Variants in SLC25A24 observed in about 807,000 individuals in gnomAD.
SLC25A24 encodes the protein mitochondrial adenyl nucleotide antiporter SLC25A24.
A neutral mutation model predicts 60.7 loss-of-function variants in SLC25A24; 49 were observed. That is an observed-to-expected ratio of 0.81 (90% CI 0.64 to 1.02). SLC25A24 has a LOEUF of 1.02. Among genes scored for constraint, SLC25A24 ranks in the 50% least tolerant of loss-of-function variants. The pLI, the probability that SLC25A24 is intolerant of heterozygous loss-of-function variation, is 0.00. For missense variants in SLC25A24, 564 were observed against 586.3 expected, an observed-to-expected ratio of 0.96 and a Z score of 0.39; for synonymous variants, 202 against 200.6, an observed-to-expected ratio of 1.01 and a Z score of -0.06.
chr1:108,190,444 A>C (rs1392208600), intron 1 of SLC25A24, among the ~76,000 whole-genome samples: 3 of 152,136 alleles, frequency 2.0e-5, no homozygotes, highest in Non-Finnish European at 4.4e-5. Flanking sequence ...GACTTCCTAT[A>C]AGTCTGACAT....
At position 108,185,744 on chromosome 1, in the gene SLC25A24, G is replaced by A; in HGVS notation, c.310+84C>T. ...AATAATTATCATCTAAAACCAGAGA[G>A]ATTAAATAAGCATCCTTTTAGACTC... On this transcript the variant is annotated intron_variant, in intron 2 of 9. Transcript: ENST00000565488. The A allele has an allele frequency of 4.0e-6, 4 of 997,206 alleles. No homozygotes were observed. The East Asian group carries it at 8.0e-5, about 20-fold the overall frequency. The allele number at this position is 997,206 out of a possible 1,614,324, so 61.8% of individuals were successfully genotyped here. A position where few individuals can be genotyped will look rare whatever the true frequency, so the allele number is the denominator to read the frequency against.
intron 1 of SLC25A24, among the ~76,000 whole-genome samples, chr1:108,188,661 G>A (rs982982181): frequency 3.9e-5 from 6 of 152,192 alleles, no homozygotes; most frequent in Non-Finnish European, 1.5e-5. Context: ...GTTGAGAAAA[G>A]AAAAGCTTTT....
chr1:108,179,043 T>C (rs1647814033), intron 3 of SLC25A24, among the ~76,000 whole-genome samples: 1 of 142,008 alleles, frequency 7.0e-6, no homozygotes, highest in Admixed American at 7.3e-5. Flanking sequence ...AATGCCTACA[T>C]AAAAACAAAA....
intron 7 of SLC25A24, 149 bp downstream of exon 7, chr1:108,148,130 A>G: frequency 1.6e-6 from 1 of 626,394 alleles, no homozygotes; most frequent in Non-Finnish European, 2.9e-6. Context: ...AGAGGCACCC[A>G]GCTAAGCTGC....
intron 1 of SLC25A24, among the ~76,000 whole-genome samples, chr1:108,190,796 C>T (rs1398414768): frequency 4.8e-5 from 5 of 103,164 alleles, no homozygotes; most frequent in African/African-American, 1.4e-4. Context: ...AACCTCCTAA[C>T]GATGTGACTG....
intron 3 of SLC25A24, among the ~76,000 whole-genome samples, chr1:108,163,495 T>C (rs1223023598): frequency 6.6e-6 from 1 of 151,482 alleles, no homozygotes; most frequent in Admixed American, 6.6e-5. Flanking sequence ...CAGTTCTCCT[T>C]GAAGAGGTCC....
At chr1:108,155,219 T>G in intron 5 of SLC25A24, 84 bp from the exon 6 acceptor site, 1 of 1,195,896 alleles carries the variant, frequency 8.4e-7, no homozygotes, top group South Asian at 1.6e-5. Context: ...TCTTTTTCAA[T>G]ACCCTTTCTA....
intron 6 of SLC25A24, among the ~76,000 whole-genome samples, chr1:108,149,716 C>T (rs970918012): frequency 4.6e-5 from 7 of 152,112 alleles, no homozygotes; most frequent in Non-Finnish European, 7.4e-5. Flanking sequence ...GGAAAGTCAA[C>T]AGAGAGAAGT....
At chr1:108,172,927 T>C (rs1647510672) in intron 3 of SLC25A24, among the ~76,000 whole-genome samples, 1 of 151,922 alleles carries the variant, frequency 6.6e-6, no homozygotes, top group Non-Finnish European at 1.5e-5. Context: ...ATAATAATAA[T>C]AATAACAATA....
chr1:108,160,322 G>T (rs1034512805), intron 4 of SLC25A24, among the ~76,000 whole-genome samples: 2 of 150,600 alleles, frequency 1.3e-5, no homozygotes, highest in Non-Finnish European at 3.0e-5. Flanking sequence ...ATGGGATGGC[G>T]GCCGGGAAGA....
intron 3 of SLC25A24, among the ~76,000 whole-genome samples, chr1:108,180,621 T>TCTCTCC (rs1439874105): frequency 8.2e-4 from 4 of 4,858 alleles, no homozygotes; most frequent in South Asian, 4.2e-3. Context: ...GAAAGATCTC[T>TCTCTCC]CTCTCTCTCT....
intron 7 of SLC25A24, among the ~76,000 whole-genome samples, chr1:108,145,954 T>C (rs1368484705): frequency 6.6e-6 from 1 of 152,218 alleles, no homozygotes; most frequent in Non-Finnish European, 1.5e-5. Flanking sequence ...CAATGTTAGC[T>C]TGATGGGGAT....
In SLC25A24 at chr1:108,161,245, G is replaced by A. The variant is rs752070915; in HGVS notation, c.447C>T (p.Asp149=). 3.1e-6 allele frequency: 5 copies of A among 1,605,678 alleles called. No individual in the cohort carries two copies. The highest frequency in any genetic ancestry group is 4.5e-5 in the East Asian group (2 of 44,770). ...TMTVDWNEWR[D]YFLFNPVTDI... The stretch of plus-strand genomic sequence containing the variant: ...CTGTAACAGGATTAAATAAGAAGTA[G>A]TCTCTCCATTCATTCCAGTCCACTG... Residue 149 remains aspartate (D), a synonymous_variant, in exon 4 of 10, where the codon GAC becomes GAT. Coordinates refer to ENST00000565488, the MANE Select transcript of SLC25A24 (RefSeq NM_013386.5).
rs780517904 is a variant in SLC25A24 at position 108,177,341 on chromosome 1, G to A, written c.398+4600C>T. On this transcript the variant is annotated intron_variant, in intron 3 of 9. Transcript: ENST00000565488. Reference sequence around the variant, plus strand: ...CCACAAAAAAAAGACAGCAAGAGAGGAAGAAAAGAATAAAGGATCTATAAA... The same window carrying A: ...CCACAAAAAAAAGACAGCAAGAGAGAAAGAAAAGAATAAAGGATCTATAAA... 4.5e-4 allele frequency among the ~76,000 whole-genome samples: 68 copies of A among 151,796 alleles called. 1 individual carries two copies. Among genetic ancestry groups the A allele is most frequent in the Non-Finnish European group, 1.2e-4 (8 of 67,914 alleles).
chr1:108,168,816 T>C (rs1647329508), intron 3 of SLC25A24, among the ~76,000 whole-genome samples: 1 of 152,248 alleles, frequency 6.6e-6, no homozygotes, highest in South Asian at 2.1e-4. Context: ...CAGATGCTCT[T>C]GATTTTAACG....
chr1:108,149,309 C>T lies in SLC25A24; in HGVS notation c.823-923G>A, dbSNP rs542436682. Among the ~76,000 whole-genome samples the T allele has an allele frequency of 3.3e-5, 5 of 152,152 alleles. No homozygotes were observed. The East Asian group carries it at 9.6e-4, about 29-fold the overall frequency. ...GGTATAAATATGACCCCAATACAGC[C>T]AAAATAGTGACTGGCCAGTATATTA... On this transcript the variant is annotated intron_variant, in intron 6 of 9. Coordinates refer to ENST00000565488, the MANE Select transcript of SLC25A24 (RefSeq NM_013386.5).
At chr1:108,191,986 A>G (rs1648356758) in intron 1 of SLC25A24, among the ~76,000 whole-genome samples, 1 of 138,910 alleles carries the variant, frequency 7.2e-6, no homozygotes, top group African/African-American at 2.5e-5. Flanking sequence ...GGGTCTATCA[A>G]TTAAGGCATA....
chr1:108,151,449 G>A (rs987596550), intron 6 of SLC25A24, among the ~76,000 whole-genome samples: 1 of 152,018 alleles, frequency 6.6e-6, no homozygotes, highest in Non-Finnish European at 1.5e-5. Flanking sequence ...CTATCTCTGG[G>A]TTGAGAAATC....
chr1:108,141,779 T>C (rs1679449592), intron 8 of SLC25A24, among the ~76,000 whole-genome samples: 1 of 152,252 alleles, frequency 6.6e-6, no homozygotes, highest in South Asian at 2.1e-4. Flanking sequence ...AAATACCACA[T>C]GATTTCACTT....
Sources: gnomAD v4.1 joint callset for allele counts (sites outside exome capture counted in the v4.1 genomes callset) on GRCh38, gnomAD v4.1.1 for gene constraint, MANE v1.5 for transcripts, NCBI Gene and HGNC (gene_info 2026-07-23, HGNC 2026-07-21) for gene names.